Variants in RABGEF1 observed in about 807,000 individuals in gnomAD.
RABGEF1 encodes rab5 GDP/GTP exchange factor.
A neutral mutation model predicts 57.3 loss-of-function variants in RABGEF1; 26 were observed. That is an observed-to-expected ratio of 0.45 (90% confidence interval 0.33 to 0.63). RABGEF1 has a LOEUF of 0.63. Ranked by LOEUF, RABGEF1 falls within the 20% of genes least tolerant of loss-of-function variation. The pLI is 0.02. For missense variants in RABGEF1, 464 were observed against 607.6 expected (o/e 0.76, Z 2.48); for synonymous variants, 185 against 210.7 (o/e 0.88, Z 1.06).
At chr7:66,778,130 C>G (rs1435799469) in intron 3 of RABGEF1, among the ~76,000 whole-genome samples, 1 of 152,054 alleles carries the variant, frequency 6.6e-6, no homozygotes, top group Non-Finnish European at 1.5e-5. Flanking sequence ...GCCTAAGTGC[C>G]GTTTTAATGT....
At chr7:66,654,596 C>T in the RABGEF1 span, 3 of 152,724 alleles carry the variant, frequency 2.0e-5, no homozygotes, top group Admixed American at 1.3e-4. Context: ...GGGCGAGCGG[C>T]TGTGTGGATG....
At chr7:66,693,422 G>T (rs1178304607) in intron 1 of RABGEF1, among the ~76,000 whole-genome samples, 1 of 152,102 alleles carries the variant, frequency 6.6e-6, no homozygotes, top group Admixed American at 6.5e-5. Context: ...TCCAGGGCAG[G>T]CCTGGCTCAG....
intron 4 of RABGEF1, among the ~76,000 whole-genome samples, chr7:66,786,438 C>G (rs1255537572): frequency 6.6e-6 from 1 of 152,124 alleles, no homozygotes; most frequent in Non-Finnish European, 1.5e-5. Context: ...GTGTGTTGCT[C>G]TATCTCCTGG....
chr7:66,755,293 CA>C (rs55877439), intron 1 of RABGEF1, among the ~76,000 whole-genome samples: 148,930 of 149,194 alleles, frequency 1, 74,336 homozygotes, highest in Middle Eastern at 1. Flanking sequence ...GACTCTGTCT[CA>C]AAAAAAAAAC....
intron 1 of RABGEF1, among the ~76,000 whole-genome samples, chr7:66,753,714 T>G (rs2129066595): frequency 6.9e-6 from 1 of 144,294 alleles, no homozygotes; most frequent in South Asian, 2.4e-4. Flanking sequence ...TTTTTTTTTT[T>G]TTTTTTTTTT....
rs77385326 is a variant in RABGEF1 at position 66,795,189 on chromosome 7, C to T, written c.514-322C>T. ...AGGGACTCTGGCCTTGTGAGTGTCT[C>T]GGATTCCCCCTTTTCTTCCTTTTCA... On this transcript the variant is annotated intron_variant, in intron 4 of 8. Coordinates refer to ENST00000284957, the MANE Select transcript of RABGEF1 (RefSeq NM_014504.3). 2.9e-3 allele frequency among the ~76,000 whole-genome samples: 444 copies of T among 152,242 alleles called. 17 individuals are homozygous for T. In the East Asian group the frequency reaches 0.076, roughly 26 times the overall value.
intron 1 of RABGEF1, among the ~76,000 whole-genome samples, chr7:66,747,518 T>C (rs1377852274): frequency 1.3e-5 from 2 of 152,198 alleles, no homozygotes; most frequent in Non-Finnish European, 2.9e-5. Flanking sequence ...GGTGATTTGG[T>C]CTGTATGCTA....
At chr7:66,680,672 C>A (rs112903897), upstream of RABGEF1, among the ~76,000 whole-genome samples, 19,757 of 151,978 alleles carry the variant, frequency 0.13, 1,713 homozygotes, top group Non-Finnish European at 0.19. Context: ...TAGGGCCGGG[C>A]GCGGTGGCTC....
At chr7:66,699,699 A>C (rs201218210) in intron 1 of RABGEF1, among the ~76,000 whole-genome samples, 5,991 of 151,862 alleles carry the variant, frequency 0.039, 175 homozygotes, top group East Asian at 0.084. Context: ...CTCAAAAAAA[A>C]AAAACAAAAC....
Position 66,809,437 on chromosome 7 carries a change from C to G in RABGEF1, c.*153C>G. On this transcript the variant is annotated 3_prime_UTR_variant, in exon 9 of 9. Coordinates refer to ENST00000284957, the MANE Select transcript of RABGEF1 (RefSeq NM_014504.3). ...ATGGGGATTGTTTCGTTTTTCCTAGCAGGGGAACCTTAGTTAATAATAAAA... is the reference window on the plus strand; with the variant it reads ...ATGGGGATTGTTTCGTTTTTCCTAGGAGGGGAACCTTAGTTAATAATAAAA... 1.4e-6 allele frequency: 1 copy of G among 740,604 alleles called. No individual in the cohort carries two copies. The allele number at this position is 740,604 out of a possible 1,614,324, so 45.9% of individuals were successfully genotyped here.
At chr7:66,771,099 G>A (rs1306101991) in intron 1 of RABGEF1, among the ~76,000 whole-genome samples, 5 of 151,992 alleles carry the variant, frequency 3.3e-5, no homozygotes, top group Admixed American at 2.0e-4. Flanking sequence ...TTTTTACCCT[G>A]TCAGTTGGTT....
chr7:66,796,620 T>C (rs578261236), intron 5 of RABGEF1, among the ~76,000 whole-genome samples: 2 of 152,266 alleles, frequency 1.3e-5, no homozygotes, highest in East Asian at 3.9e-4. Flanking sequence ...CGAGACAGAA[T>C]ATCACTCTGT....
the RABGEF1 span, among the ~76,000 whole-genome samples, chr7:66,668,548 G>A: frequency 2.6e-5 from 4 of 152,298 alleles, no homozygotes; most frequent in Admixed American, 2.0e-4. Flanking sequence ...CCTCTGGAGA[G>A]GGGGGGATTG....
rs370734660 is a variant in RABGEF1, at chr7:66,691,820, G to A, written c.-873+9562G>A. 9.2e-5 allele frequency among the ~76,000 whole-genome samples: 14 copies of A among 152,232 alleles called. No individual in the cohort carries two copies. The South Asian group carries it at 2.9e-3, about 32-fold the overall frequency. On this transcript the variant is annotated intron_variant and NMD_transcript_variant, in intron 1 of 9. Coordinates refer to the RABGEF1 transcript ENST00000607882. Reference sequence around the variant, plus strand: ...TGTAATCCCAACACTTTGGGAGACTGAGGCGGGAGGATCACTTGAGCCCAG... The same window carrying A: ...TGTAATCCCAACACTTTGGGAGACTAAGGCGGGAGGATCACTTGAGCCCAG...
rs565370212 is a variant in RABGEF1, at chr7:66,733,663, A to C, written c.-814-6333A>C. ...CAGTGAGCCAAGATCGTGCCACTGC[A>C]CTCCAGACTGGGCTACAGAGTGAGG... On this transcript the variant is annotated intron_variant and NMD_transcript_variant, in intron 2 of 9. Transcript: ENST00000607882. Among the ~76,000 whole-genome samples, 52 of 151,414 alleles carry C rather than the reference A, an allele frequency of 3.4e-4. No homozygotes were observed. In the South Asian group the frequency reaches 0.011, roughly 32 times the overall value.
In RABGEF1 at chr7:66,809,124, T is replaced by G; in HGVS notation, c.1316T>G (p.Ile439Arg). 6.2e-7 allele frequency: 1 copy of G among 1,614,136 alleles called. No individual in the cohort carries two copies. Among genetic ancestry groups the G allele is most frequent in the Non-Finnish European group, 8.5e-7 (1 of 1,180,030 alleles). ...NEAKKLEKDL[I>R]DWTDGIAREV... ...GCCAAGAAACTGGAAAAAGACCTCA[T>G]AGATTGGACAGATGGAATTGCAAGA... Residue 439 changes from isoleucine to arginine, a missense_variant, in exon 9 of 9, where the codon ATA becomes AGA. Transcript: ENST00000284957.
chr7:66,717,997 T>C (rs1483715025), intron 2 of RABGEF1, among the ~76,000 whole-genome samples: 1 of 152,244 alleles, frequency 6.6e-6, no homozygotes, highest in Non-Finnish European at 1.5e-5. Context: ...TTTTGTATCT[T>C]CTATTTTCCT....
chr7:66,746,436 A>G (rs1485739141), intron 1 of RABGEF1, among the ~76,000 whole-genome samples: 1 of 148,102 alleles, frequency 6.8e-6, no homozygotes, highest in East Asian at 2.0e-4. Flanking sequence ...CCGAGTAGTT[A>G]ACCACCATAC....
upstream of RABGEF1, among the ~76,000 whole-genome samples, chr7:66,738,196 T>G (rs1313589644): frequency 1.3e-5 from 2 of 151,950 alleles, no homozygotes; most frequent in Non-Finnish European, 2.9e-5. Flanking sequence ...TTTTTGTATT[T>G]TTAGTAGAGG....
Sources: gnomAD v4.1 joint callset for allele counts (sites outside exome capture counted in the v4.1 genomes callset) on GRCh38, gnomAD v4.1.1 for gene constraint, MANE v1.5 for transcripts, NCBI Gene and HGNC (gene_info 2026-07-23, HGNC 2026-07-21) for gene names.